The following TCF7L1 variants were observed in gnomAD, a reference collection of about 807,000 sequenced individuals.
The protein encoded by TCF7L1 is transcription factor 7-like 1.
In TCF7L1, 18 loss-of-function variants were observed where a neutral mutation model predicts 63.7. The ratio of observed to expected loss-of-function variants is 0.28; its 90% CI spans 0.20 to 0.42. TCF7L1 has a LOEUF of 0.42. TCF7L1 is among the 10% of genes least tolerant of loss of function. The probability of loss-of-function intolerance (pLI) is 1.00; values close to 1 mark genes in which losing one functional copy is unlikely to be tolerated. For synonymous variants in TCF7L1, 355 were observed against 340.9 expected, an observed-to-expected ratio of 1.04 and a Z score of -0.46; for missense variants, 654 against 779.3, an observed-to-expected ratio of 0.84 and a Z score of 1.91.
At chr2:85,149,598 C>T (rs948196943) in intron 3 of TCF7L1, among the ~76,000 whole-genome samples, 49 of 152,210 alleles carry the variant, frequency 3.2e-4, no homozygotes, top group African/African-American at 1.2e-3. Flanking sequence ...CATCTCAGCT[C>T]ACTGCAGCCT....
chr2:85,202,163 C>T (rs1025839196), intron 3 of TCF7L1, among the ~76,000 whole-genome samples: 6 of 152,082 alleles, frequency 3.9e-5, no homozygotes, highest in East Asian at 3.9e-4. Flanking sequence ...GGGGTTTCAC[C>T]GTGTTGGCCA....
In TCF7L1 at chr2:85,237,849, G is replaced by A. The variant is rs574488327; in HGVS notation, c.442-45646G>A. The stretch of plus-strand genomic sequence containing the variant: ...AGGGTAAGAACAGGAGGCCTAAAGC[G>A]GGGTTCGCGGGCTCCCTGGCTCTTC... On this transcript the variant is annotated intron_variant, in intron 3 of 11. Coordinates refer to ENST00000282111, the MANE Select transcript of TCF7L1 (RefSeq NM_031283.3). 4.6e-5 allele frequency among the ~76,000 whole-genome samples: 7 copies of A among 152,146 alleles called. No individual in the cohort carries two copies. The South Asian group carries it at 1.2e-3, about 27-fold the overall frequency.
chr2:85,142,116 G>A (rs1353411833), intron 3 of TCF7L1, among the ~76,000 whole-genome samples: 1 of 152,184 alleles, frequency 6.6e-6, no homozygotes, highest in Non-Finnish European at 1.5e-5. Flanking sequence ...TGATGTTGAA[G>A]AGGGATAGAG....
At chr2:85,200,877 G>A (rs1679255475) in intron 3 of TCF7L1, among the ~76,000 whole-genome samples, 1 of 152,076 alleles carries the variant, frequency 6.6e-6, no homozygotes, top group South Asian at 2.1e-4. Flanking sequence ...TTGAGTTCAC[G>A]GCAATAGCAA....
intron 3 of TCF7L1, among the ~76,000 whole-genome samples, chr2:85,254,168 T>G (rs1395682267): frequency 6.6e-6 from 1 of 152,274 alleles, no homozygotes; most frequent in East Asian, 1.9e-4. Context: ...ATTTGTAGAC[T>G]TGCTGCCACT....
intron 3 of TCF7L1, among the ~76,000 whole-genome samples, chr2:85,273,765 G>A (rs891934488): frequency 2.0e-5 from 3 of 152,158 alleles, no homozygotes; most frequent in Non-Finnish European, 4.4e-5. Context: ...CCCTTGAGTC[G>A]GTTATGGCAC....
intron 3 of TCF7L1, among the ~76,000 whole-genome samples, chr2:85,212,578 C>T (rs1679591911): frequency 6.6e-6 from 1 of 152,152 alleles, no homozygotes; most frequent in South Asian, 2.1e-4. Flanking sequence ...TGGGCCTGAA[C>T]TGCGAGAGGG....
chr2:85,201,953 ATTTATT>A (rs1395089890), intron 3 of TCF7L1, among the ~76,000 whole-genome samples: 1 of 151,264 alleles, frequency 6.6e-6, no homozygotes, highest in African/African-American at 2.4e-5. Flanking sequence ...TTATTTATTT[ATTTATT>A]TATTTATTTT....
intron 3 of TCF7L1, among the ~76,000 whole-genome samples, chr2:85,224,539 G>A (rs1473181910): frequency 4.6e-5 from 7 of 152,224 alleles, no homozygotes; most frequent in South Asian, 2.1e-4. Flanking sequence ...GACCAGTGAT[G>A]ATGAGTATTT....
chr2:85,301,506 A>G (rs769807006), intron 4 of TCF7L1, among the ~76,000 whole-genome samples: 28 of 152,238 alleles, frequency 1.8e-4, no homozygotes, highest in Non-Finnish European at 3.4e-4. Context: ...CTGTTTACCA[A>G]TTGTAGAACG....
rs555739318 is a variant in TCF7L1, at chr2:85,138,501, A to T, written c.441+4051A>T. 4.6e-5 allele frequency among the ~76,000 whole-genome samples: 7 copies of T among 151,188 alleles called. No homozygotes were observed. In the South Asian group the frequency reaches 1.3e-3, roughly 27 times the overall value. ...TTCATCTAAATATAACTTCTGTTTC[A>T]TTTTTTTTTCTAAATATAACTCAGA... On this transcript the variant is annotated intron_variant, in intron 3 of 11. Coordinates refer to ENST00000282111, the MANE Select transcript of TCF7L1 (RefSeq NM_031283.3).
At chr2:85,294,026 A>AATTTT (rs1681785743) in intron 4 of TCF7L1, among the ~76,000 whole-genome samples, 1 of 59,484 alleles carries the variant, frequency 1.7e-5, no homozygotes, top group African/African-American at 6.4e-5. Context: ...GAACACTGGG[A>AATTTT]TTTTTTTTTT....
chr2:85,219,711 C>G (rs568907827), intron 3 of TCF7L1, among the ~76,000 whole-genome samples: 23 of 152,152 alleles, frequency 1.5e-4, no homozygotes, highest in South Asian at 1.5e-3. Flanking sequence ...GAGACCTCAT[C>G]TCTTTGAAAA....
chr2:85,284,635 C>T (rs572174814), intron 4 of TCF7L1, among the ~76,000 whole-genome samples: 16 of 152,262 alleles, frequency 1.1e-4, no homozygotes, highest in African/African-American at 3.9e-4. Context: ...AACTGGTGCT[C>T]GCCGACTGTA....
intron 3 of TCF7L1, among the ~76,000 whole-genome samples, chr2:85,269,206 G>A (rs936851880): frequency 1.3e-5 from 2 of 152,172 alleles, no homozygotes; most frequent in African/African-American, 4.8e-5. Flanking sequence ...CCACAAACAT[G>A]CAGTCCTACA....
At chr2:85,282,794 T>TGTGTGTGTGTG (rs1681448243) in intron 3 of TCF7L1, among the ~76,000 whole-genome samples, 1 of 119,136 alleles carries the variant, frequency 8.4e-6, no homozygotes, top group Non-Finnish European at 1.7e-5. Context: ...GAGAGAGAGA[T>TGTGTGTGTGTG]TGTGTGTGTG....
intron 3 of TCF7L1, among the ~76,000 whole-genome samples, chr2:85,270,952 C>T (rs1483800610): frequency 6.6e-6 from 1 of 152,098 alleles, no homozygotes; most frequent in African/African-American, 2.4e-5. Flanking sequence ...CTGCCTCAGC[C>T]TCCCAAAATG....
chr2:85,217,366 TACACTC>T (rs1679732971), intron 3 of TCF7L1, among the ~76,000 whole-genome samples: 1 of 152,232 alleles, frequency 6.6e-6, no homozygotes, highest in Non-Finnish European at 1.5e-5. Flanking sequence ...AAGGTGTTTC[TACACTC>T]TTTAATTTCC....
intron 4 of TCF7L1, among the ~76,000 whole-genome samples, 161 bp from the exon 5 acceptor site, chr2:85,302,323 G>A (rs1682000634): frequency 6.6e-6 from 1 of 152,124 alleles, no homozygotes; most frequent in Non-Finnish European, 1.5e-5. Context: ...AAGTCCTGCT[G>A]CTCTGCTGTG....
Sources: gnomAD v4.1 joint callset for allele counts (sites outside exome capture counted in the v4.1 genomes callset) on GRCh38, gnomAD v4.1.1 for gene constraint, MANE v1.5 for transcripts, NCBI Gene and HGNC (gene_info 2026-07-23, HGNC 2026-07-21) for gene names.